SHTN1: variants seen among roughly 807,000 people sequenced by gnomAD.
SHTN1 encodes shootin 1, also known as shootin-1.
SHTN1 carries 42 observed loss-of-function variants against 83.1 expected under a neutral mutation model. The ratio of observed to expected loss-of-function variants is 0.51; its 90% CI spans 0.39 to 0.65. The LOEUF is 0.65. Ranked by LOEUF, SHTN1 falls within the 30% of genes least tolerant of loss-of-function variation. The pLI is 0.00. For missense variants in SHTN1, 622 were observed against 737.8 expected, an observed-to-expected ratio of 0.84 and a Z score of 1.82; for synonymous variants, 224 against 247.7, an observed-to-expected ratio of 0.90 and a Z score of 0.90.
intron 13 of SHTN1, among the ~76,000 whole-genome samples, chr10:116,912,122 TAGAC>T (rs1222501817): frequency 4.6e-5 from 7 of 152,214 alleles, no homozygotes; most frequent in African/African-American, 9.7e-5. Flanking sequence ...ATTATTATCA[TAGAC>T]AGAGAAGATT....
chr10:116,996,199 T>TA (rs1162146021), intron 1 of SHTN1, among the ~76,000 whole-genome samples: 2 of 152,196 alleles, frequency 1.3e-5, no homozygotes, highest in African/African-American at 2.4e-5. Flanking sequence ...GTTCAGAAAC[T>TA]ATAGTTCACC....
At chr10:117,048,126 C>T (rs1414542815) in intron 2 of SHTN1, among the ~76,000 whole-genome samples, 2 of 151,918 alleles carry the variant, frequency 1.3e-5, no homozygotes, top group African/African-American at 2.4e-5. Flanking sequence ...TAAACAAACC[C>T]GAATAGTAAA....
At chr10:117,028,739 GA>G (rs1442038751) in intron 2 of SHTN1, among the ~76,000 whole-genome samples, 1 of 152,214 alleles carries the variant, frequency 6.6e-6, no homozygotes, top group African/African-American at 2.4e-5. Context: ...CAGGTGCACA[GA>G]ATGCAAAAGT....
chr10:116,955,357 G>A (rs866187877), intron 4 of SHTN1, among the ~76,000 whole-genome samples: 28 of 152,088 alleles, frequency 1.8e-4, no homozygotes, highest in Middle Eastern at 3.4e-3. Flanking sequence ...CTTAATTTGC[G>A]CACATCAAAG....
At chr10:116,976,699 A>T (rs1430635194) in intron 2 of SHTN1, among the ~76,000 whole-genome samples, 1 of 152,174 alleles carries the variant, frequency 6.6e-6, no homozygotes, top group African/African-American at 2.4e-5. Context: ...ACACTCTATA[A>T]AAGGCTTTTA....
At chr10:117,125,592 GGCCACTTTGCAA>G (rs1853991821) in intron 1 of SHTN1, among the ~76,000 whole-genome samples, 1 of 152,110 alleles carries the variant, frequency 6.6e-6, no homozygotes, top group Non-Finnish European at 1.5e-5. Flanking sequence ...TCCTTGACCA[GGCCACTTTGCAA>G]GCCTTATCTT....
intron 2 of SHTN1, among the ~76,000 whole-genome samples, chr10:117,031,536 A>G (rs756104699): frequency 2.1e-4 from 32 of 152,238 alleles, no homozygotes; most frequent in Non-Finnish European, 7.3e-5. Context: ...CAAAAATAAT[A>G]ACTACAAATT....
chr10:116,915,116 G>A (rs1294362023), intron 13 of SHTN1, among the ~76,000 whole-genome samples: 1 of 152,120 alleles, frequency 6.6e-6, no homozygotes, highest in Non-Finnish European at 1.5e-5. Context: ...TTATTTGTTT[G>A]GTGTAACAGT....
intron 2 of SHTN1, among the ~76,000 whole-genome samples, chr10:117,021,696 A>G (rs1852266315): frequency 6.6e-6 from 1 of 152,218 alleles, no homozygotes; most frequent in African/African-American, 2.4e-5. Flanking sequence ...AAAATATTTT[A>G]TCCATACAAG....
At chr10:116,963,265 G>A (rs1850265800) in intron 3 of SHTN1, among the ~76,000 whole-genome samples, 1 of 150,294 alleles carries the variant, frequency 6.7e-6, no homozygotes, top group East Asian at 2.0e-4. Flanking sequence ...GTAGAGACGG[G>A]GTTTCACCGT....
chr10:116,940,187 G>A (rs1849316984), intron 9 of SHTN1, among the ~76,000 whole-genome samples: 2 of 152,100 alleles, frequency 1.3e-5, no homozygotes, highest in Middle Eastern at 3.2e-3. Context: ...TATCCAAGCT[G>A]TTTTTAAGTT....
intron 2 of SHTN1, among the ~76,000 whole-genome samples, chr10:117,038,719 AATATGC>A (rs1166929768): frequency 2.0e-5 from 3 of 152,230 alleles, no homozygotes; most frequent in African/African-American, 7.2e-5. Flanking sequence ...TTAGATGGCA[AATATGC>A]ATATGAAAAG....
intron 1 of SHTN1, among the ~76,000 whole-genome samples, chr10:117,091,352 C>A (rs1010911651): frequency 4.6e-5 from 7 of 152,152 alleles, no homozygotes; most frequent in Admixed American, 2.0e-4. Context: ...GAATCTGAGA[C>A]ACAGGCTAAA....
chr10:116,946,655 T>C (rs1204901371), intron 7 of SHTN1, among the ~76,000 whole-genome samples: 2 of 141,054 alleles, frequency 1.4e-5, no homozygotes, highest in South Asian at 4.3e-4. Context: ...ATAAAATGAT[T>C]TATATATAAA....
rs200035304 is a variant in SHTN1, at chr10:116,886,373, C to T, written c.1867G>A (p.Val623Met). The change falls in exon 17 of 17, where the codon GTG (valine) becomes ATG (methionine). Residue 623 changes from valine (V) to methionine (M), a missense_variant. Physicochemically the swap from Val to Met is conservative, Grantham distance 21 (BLOSUM62 1). Coordinates refer to ENST00000355371, the MANE Select transcript of SHTN1 (RefSeq NM_001127211.3). ...CAGTTGGAGCTGTCTGTCTCTCTCA[C>T]GTTTTCAATGCTGTCTTCTTTGTTT... ...PENKEDSIEN[V>M]RETDSSNC 2.0e-5 allele frequency: 31 copies of T among 1,557,238 alleles called. No homozygotes were observed. Among genetic ancestry groups the T allele is most frequent in the Non-Finnish European group, 2.6e-5 (30 of 1,149,330 alleles).
chr10:116,946,161 T>A (rs1200689827), intron 7 of SHTN1, among the ~76,000 whole-genome samples: 1 of 150,698 alleles, frequency 6.6e-6, no homozygotes, highest in Non-Finnish European at 1.5e-5. Context: ...AGATTCCTTT[T>A]ACTGGTATTT....
chr10:117,025,748 A>G (rs948194115), intron 2 of SHTN1, among the ~76,000 whole-genome samples: 3 of 151,936 alleles, frequency 2.0e-5, no homozygotes, highest in Admixed American at 6.6e-5. Context: ...TGTGGCTCCC[A>G]TAAGAGTCAT....
At chr10:117,064,719 C>T (rs948083043) in intron 1 of SHTN1, among the ~76,000 whole-genome samples, 4 of 151,972 alleles carry the variant, frequency 2.6e-5, no homozygotes, top group Non-Finnish European at 4.4e-5. Context: ...CTTGTCCCAC[C>T]CTCAACAACG....
chr10:116,931,807 C>G (rs865784369), intron 9 of SHTN1, among the ~76,000 whole-genome samples: 1 of 152,052 alleles, frequency 6.6e-6, no homozygotes, highest in Non-Finnish European at 1.5e-5. Flanking sequence ...AGCTATGCAC[C>G]AAAATATGGG....
Sources: gnomAD v4.1 joint callset for allele counts (sites outside exome capture counted in the v4.1 genomes callset) on GRCh38, gnomAD v4.1.1 for gene constraint, MANE v1.5 for transcripts, NCBI Gene and HGNC (gene_info 2026-07-23, HGNC 2026-07-21) for gene names.